HHIP: variants seen among roughly 807,000 people sequenced by gnomAD.
The protein encoded by HHIP is hedgehog interacting protein.
A neutral mutation model predicts 74.0 loss-of-function variants in HHIP; 12 were observed. The observed-to-expected ratio is 0.16, with a 90% CI of 0.10 to 0.26. HHIP has a LOEUF of 0.26. HHIP is among the 10% of genes least tolerant of loss of function. The probability of loss-of-function intolerance (pLI) is 1.00; values close to 1 mark genes in which losing one functional copy is unlikely to be tolerated. For missense variants in HHIP, 788 were observed against 845.0 expected (o/e 0.93, Z 0.84); for synonymous variants, 309 against 311.6 (o/e 0.99, Z 0.09).
chr4:144,671,906 C>T (rs1187765268), intron 4 of HHIP, among the ~76,000 whole-genome samples: 1 of 152,082 alleles, frequency 6.6e-6, no homozygotes, highest in Non-Finnish European at 1.5e-5. Flanking sequence ...ATCACTTGAA[C>T]CCAGGAGGCA....
At position 144,714,291 on chromosome 4, in the gene HHIP, A is replaced by G. The variant is rs201586087; in HGVS notation, c.1490A>G (p.Tyr497Cys). 7 of 1,613,340 alleles carry G rather than the reference A, an allele frequency of 4.3e-6. No homozygotes were observed. In the East Asian group the frequency reaches 6.7e-5, roughly 15 times the overall value. ...GGTCCTTTGGTTGGTGGATTTGTAT[A>G]CCGGGGCTGCCAGTCAGAAAGATTG... ...SNGPLVGGFV[Y>C]RGCQSERLYG... The change falls in exon 9 of 13, where the codon TAC becomes TGC. Residue 497 changes from tyrosine (Y) to cysteine (C), a missense_variant. Around this residue, in one of 3 missense-constraint regions of HHIP, gnomAD observed 343 missense variants for 347.9 expected, o/e 0.99. Coordinates refer to ENST00000296575, the MANE Select transcript of HHIP (RefSeq NM_022475.3).
chr4:144,701,144 T>C (rs527555441), intron 4 of HHIP, among the ~76,000 whole-genome samples: 27 of 152,284 alleles, frequency 1.8e-4, no homozygotes, highest in African/African-American at 6.3e-4. Flanking sequence ...CACTCTATTC[T>C]TATATTAATT....
intron 2 of HHIP, among the ~76,000 whole-genome samples, chr4:144,656,342 C>G (rs1400699310): frequency 6.6e-6 from 1 of 152,040 alleles, no homozygotes; most frequent in Non-Finnish European, 1.5e-5. Context: ...TGTATTTTTT[C>G]TTAATTTGCT....
chr4:144,691,296 G>A (rs1729656131), intron 4 of HHIP, among the ~76,000 whole-genome samples: 1 of 152,014 alleles, frequency 6.6e-6, no homozygotes, highest in African/African-American at 2.4e-5. Context: ...AAACTTCAAG[G>A]TTTATTATAT....
intron 4 of HHIP, 55 bp downstream of exon 4, chr4:144,659,893 G>A (rs568237943): frequency 7.7e-7 from 1 of 1,298,740 alleles, no homozygotes; most frequent in Non-Finnish European, 1.1e-6. Flanking sequence ...TTTTATTTTA[G>A]TGTTACCTTC....
At chr4:144,673,141 T>A (rs756952058) in intron 4 of HHIP, among the ~76,000 whole-genome samples, 16 of 152,216 alleles carry the variant, frequency 1.1e-4, no homozygotes, top group Non-Finnish European at 1.9e-4. Flanking sequence ...TGTGAGCCAG[T>A]CATTTCACCA....
At chr4:144,667,255 G>A (rs1027817370) in intron 4 of HHIP, among the ~76,000 whole-genome samples, 1 of 152,070 alleles carries the variant, frequency 6.6e-6, no homozygotes, top group African/African-American at 2.4e-5. Context: ...GAGGCTCAGC[G>A]AGAGGATCCC....
At chr4:144,699,217 T>A (rs1729909312) in intron 4 of HHIP, among the ~76,000 whole-genome samples, 1 of 152,188 alleles carries the variant, frequency 6.6e-6, no homozygotes, top group African/African-American at 2.4e-5. Flanking sequence ...TTGGGGGTTC[T>A]CATAATTCGC....
At chr4:144,656,218 A>G (rs2035742) in intron 2 of HHIP, among the ~76,000 whole-genome samples, 9,716 of 152,284 alleles carry the variant, frequency 0.064, 454 homozygotes, top group African/African-American at 0.14. Flanking sequence ...ATGATTGTAA[A>G]GAAAAAAAGC....
chr4:144,665,083 C>A (rs891422475), intron 4 of HHIP, among the ~76,000 whole-genome samples: 4 of 152,054 alleles, frequency 2.6e-5, no homozygotes, highest in Non-Finnish European at 4.4e-5. Context: ...TGTGTTTGTT[C>A]ATTTTTTGAG....
intron 4 of HHIP, among the ~76,000 whole-genome samples, chr4:144,687,918 T>TTCC (rs1729534322): frequency 6.6e-6 from 1 of 152,014 alleles, no homozygotes; most frequent in African/African-American, 2.4e-5. Flanking sequence ...TCTTTACAAG[T>TTCC]TCCAATCTTG....
intron 6 of HHIP, 147 bp downstream of exon 6, chr4:144,707,407 T>C (rs958611161): frequency 1.6e-6 from 1 of 637,296 alleles, no homozygotes; most frequent in African/African-American, 1.8e-5. Flanking sequence ...TCTGCATTTA[T>C]GAAATGAAGA....
Position 144,646,420 on chromosome 4 carries a change from C to A in HHIP, c.-256C>A. 1 of 421,094 alleles carries A rather than the reference C, an allele frequency of 2.4e-6. No individual in the cohort carries two copies. Among genetic ancestry groups the A allele is most frequent in the Non-Finnish European group, 4.2e-6 (1 of 237,120 alleles). The allele number at this position is 421,094 out of a possible 1,614,324, so 26.1% of individuals were successfully genotyped here. A position where few individuals can be genotyped will look rare whatever the true frequency, so the allele number is the denominator to read the frequency against. ...GCCCCCAACCCAACTGACACTGGCACAACTGCAAACGGTGTCATCCGCACA... is the reference window on the plus strand; with the variant it reads ...GCCCCCAACCCAACTGACACTGGCAAAACTGCAAACGGTGTCATCCGCACA... On this transcript the variant is annotated 5_prime_UTR_variant, in exon 1 of 13. Coordinates refer to ENST00000296575, the MANE Select transcript of HHIP (RefSeq NM_022475.3).
At chr4:144,665,538 T>C (rs1041178780) in intron 4 of HHIP, among the ~76,000 whole-genome samples, 2 of 152,224 alleles carry the variant, frequency 1.3e-5, no homozygotes, top group Non-Finnish European at 2.9e-5. Flanking sequence ...TTTAAATGTA[T>C]AAATGCCCAC....
intron 12 of HHIP, 97 bp downstream of exon 12, chr4:144,734,986 G>A: frequency 8.6e-7 from 1 of 1,165,278 alleles, no homozygotes; most frequent in Non-Finnish European, 1.2e-6. Flanking sequence ...CAATAATATA[G>A]TGTTCAAAAG....
chr4:144,713,173 T>C (rs999230419), intron 8 of HHIP, among the ~76,000 whole-genome samples: 6 of 152,100 alleles, frequency 3.9e-5, no homozygotes, highest in Non-Finnish European at 5.9e-5. Context: ...AGAACAACTC[T>C]ATGTGATAGG....
At chr4:144,716,621 G>T (rs1410584898) in intron 10 of HHIP, among the ~76,000 whole-genome samples, 1 of 152,024 alleles carries the variant, frequency 6.6e-6, no homozygotes, top group Non-Finnish European at 1.5e-5. Flanking sequence ...GCCAAGGCAG[G>T]TGGATCGTCT....
rs1412635303 is a variant in HHIP at position 144,742,150 on chromosome 4, T to C, written c.*4193T>C. ...TCCTACATTTTCTATTGGTTTTGCC[T>C]AAATAGACATGTTCTCAATACACCC... On this transcript the variant is annotated 3_prime_UTR_variant, in exon 13 of 13. Coordinates refer to ENST00000296575, the MANE Select transcript of HHIP (RefSeq NM_022475.3). 2 of 152,180 alleles carry C rather than the reference T, an allele frequency of 1.3e-5. No individual in the cohort carries two copies. Among genetic ancestry groups the C allele is most frequent in the Non-Finnish European group, 2.9e-5 (2 of 68,038 alleles). The allele number at this position is 152,180 out of a possible 1,614,324, so 9.4% of individuals were successfully genotyped here.
At chr4:144,651,631 A>C (rs1728430848) in intron 1 of HHIP, among the ~76,000 whole-genome samples, 1 of 152,166 alleles carries the variant, frequency 6.6e-6, no homozygotes, top group African/African-American at 2.4e-5. Context: ...TTTTTAATAT[A>C]AAAAATCAAT....
Sources: allele counts gnomAD v4.1 joint callset (sites outside exome capture counted in the v4.1 genomes callset), GRCh38; gene constraint gnomAD v4.1.1; regional missense constraint gnomAD v4.1.1; transcripts MANE v1.5; gene names NCBI Gene and HGNC (gene_info 2026-07-23, HGNC 2026-07-21).